The following SPDYE4 variants were observed in gnomAD, a reference collection of about 807,000 sequenced individuals.
The protein encoded by SPDYE4 is speedy/RINGO cell cycle regulator family member E4.
Under a neutral mutation model 37.5 loss-of-function variants are expected in SPDYE4, and 30 were observed. The ratio of observed to expected loss-of-function variants is 0.80; its 90% confidence interval spans 0.60 to 1.09. The LOEUF is 1.09. Ranked by LOEUF, SPDYE4 falls within the 50% of genes least tolerant of loss-of-function variation. SPDYE4 has a pLI of 0.00. For missense variants in SPDYE4, 300 were observed against 307.9 expected (o/e 0.97, Z 0.19); for synonymous variants, 131 against 120.3 (o/e 1.09, Z -0.58).
At position 8,756,506 on chromosome 17, in the gene SPDYE4, G is replaced by A. The variant is rs919219883; in HGVS notation, c.341-70C>T. On this transcript the variant is annotated intron_variant, in intron 2 of 6. Transcript: ENST00000689094. ...TGCCGTGGGAGCAGCAGAGCAGAGAGGAGAACTGTGTCCCTCTGGGGGAAG... is the reference window on the plus strand; with the variant it reads ...TGCCGTGGGAGCAGCAGAGCAGAGAAGAGAACTGTGTCCCTCTGGGGGAAG... 7 of 1,440,620 alleles carry A rather than the reference G, an allele frequency of 4.9e-6. No homozygotes were observed. The African/African-American group carries it at 9.8e-5, about 20-fold the overall frequency. 89.2% of individuals were successfully genotyped at this position (1,440,620 alleles called of 1,614,324 possible). A position where few individuals can be genotyped will look rare whatever the true frequency, so the allele number is the denominator to read the frequency against.
At chr17:8,756,190 G>T (rs1184294513) in intron 3 of SPDYE4, among the ~76,000 whole-genome samples, 188 bp downstream of exon 3, 2 of 152,190 alleles carry the variant, frequency 1.3e-5, no homozygotes, top group Non-Finnish European at 2.9e-5. Context: ...CTGCATTCCA[G>T]CCTGGGCAAC....
chr17:8,757,305 G>T lies in SPDYE4; in HGVS notation c.297C>A (p.Ser99=), dbSNP rs772597533. The T allele has an allele frequency of 6.2e-7, 1 of 1,605,014 alleles. No homozygotes were observed. Among genetic ancestry groups the T allele is most frequent in the Non-Finnish European group, 8.5e-7 (1 of 1,175,594 alleles). Reference sequence around the variant, plus strand: ...CCTCGTGGTGCTCAGGGAGCACGGAGGATGCTCGCTTTCGCTTCAGCTTCA... The same window carrying T: ...CCTCGTGGTGCTCAGGGAGCACGGATGATGCTCGCTTTCGCTTCAGCTTCA... The part of the protein sequence containing the change: ...LKMKLKRKRA[S]SVLPEHHEAF... The change falls in exon 2 of 7, where the codon TCC becomes TCA. Residue 99 remains serine (S), a synonymous_variant. Coordinates refer to ENST00000689094, the MANE Select transcript of SPDYE4 (RefSeq NM_001394956.1).
At chr17:8,750,826 T>C (rs987462486), downstream of SPDYE4, among the ~76,000 whole-genome samples, 2 of 152,224 alleles carry the variant, frequency 1.3e-5, no homozygotes, top group African/African-American at 4.8e-5. Context: ...AAATAAGCAA[T>C]CCAGACCAAT....
downstream of SPDYE4, among the ~76,000 whole-genome samples, chr17:8,749,265 G>T (rs1238796714): frequency 3.0e-5 from 3 of 98,650 alleles, no homozygotes; most frequent in African/African-American, 6.9e-5. Flanking sequence ...GCTAAGTTTC[G>T]TATTTTTTTT....
At chr17:8,753,218 T>C (rs1220390132) in intron 5 of SPDYE4, 21 bp from the exon 6 acceptor site, 1 of 1,613,814 alleles carries the variant, frequency 6.2e-7, no homozygotes, top group African/African-American at 1.3e-5. Flanking sequence ...ACACACCACT[T>C]GAGAAGCCAG....
intron 6 of SPDYE4, among the ~76,000 whole-genome samples, chr17:8,752,886 T>G (rs2086738736): frequency 1.3e-5 from 2 of 152,222 alleles, no homozygotes; most frequent in Admixed American, 6.5e-5. Context: ...AGCCCCGACC[T>G]CCGGGGCTCT....
Position 8,757,882 on chromosome 17 carries a change from A to G in SPDYE4, c.110-390T>C, listed in dbSNP as rs550407716. ...ACTGCAACCTCCGCCTCCTGGGTTC[A>G]AATGATTCTCCTGCCTCAGCCTCTT... On this transcript the variant is annotated intron_variant, in intron 1 of 6. Transcript: ENST00000689094. Among the ~76,000 whole-genome samples the G allele has an allele frequency of 5.3e-5, 8 of 151,528 alleles. 2 individuals carry two copies. Among genetic ancestry groups the G allele is most frequent in the African/African-American group, 1.9e-4 (8 of 41,226 alleles).
chr17:8,752,525 T>C (rs2151144418), intron 6 of SPDYE4, among the ~76,000 whole-genome samples: 1 of 152,056 alleles, frequency 6.6e-6, no homozygotes, highest in African/African-American at 2.4e-5. Flanking sequence ...AGAGCACCCT[T>C]GGAGGACGTG....
intron 4 of SPDYE4, among the ~76,000 whole-genome samples, chr17:8,754,536 C>T (rs775939244): frequency 7.9e-5 from 12 of 152,184 alleles, no homozygotes; most frequent in Non-Finnish European, 1.3e-4. Flanking sequence ...GATCTGGCTA[C>T]TGCACTCCAG....
In SPDYE4 at chr17:8,755,583, G is replaced by A. The variant is rs74844184; in HGVS notation, c.422C>T (p.Ala141Val). 110,304 of 1,610,082 alleles carry A rather than the reference G, an allele frequency of 0.069. 4,588 individuals are homozygous for A. Among genetic ancestry groups the A allele is most frequent in the Non-Finnish European group, 0.079 (93,230 of 1,177,256 alleles). ...SDKYLLAMVI[A>V]YFSRAGLFSW... ...GAAGAGGCCGGCACGGCTAAAATAC[G>A]CTATGACCATAGCCAGGAGATACTG... Residue 141 changes from alanine (A) to valine (V), a missense_variant, in exon 4 of 7, where the codon GCG (alanine) becomes GTG (valine). Coordinates refer to ENST00000689094, the MANE Select transcript of SPDYE4 (RefSeq NM_001394956.1).
intron 2 of SPDYE4, 52 bp downstream of exon 2, chr17:8,757,210 C>A (rs1170553642): frequency 2.0e-6 from 3 of 1,504,208 alleles, no homozygotes; most frequent in Non-Finnish European, 2.7e-6. Context: ...TTGAAAGATT[C>A]CACTTTTTTA....
intron 1 of SPDYE4, 37 bp from the exon 2 acceptor site, chr17:8,757,529 G>A (rs774603981): frequency 1.3e-6 from 2 of 1,597,736 alleles, no homozygotes; most frequent in East Asian, 4.5e-5. Context: ...TCATGTTTCT[G>A]CCATTGATCA....
Position 8,758,477 on chromosome 17 carries a change from G to A in SPDYE4, c.-95C>T, listed in dbSNP as rs534040633. 1.9e-5 allele frequency: 22 copies of A among 1,184,688 alleles called. No homozygotes were observed. Among genetic ancestry groups the A allele is most frequent in the East Asian group, 1.6e-4 (6 of 38,682 alleles). 73.4% of individuals were successfully genotyped at this position (1,184,688 alleles called of 1,614,324 possible). A position where few individuals can be genotyped will look rare whatever the true frequency, so the allele number is the denominator to read the frequency against. Reference sequence around the variant, plus strand: ...ACTCCGTTAGGACCCAGAAGAGTGCGTTTCTCTTCTAGAGGCTCGGGAGAA... The same window carrying A: ...ACTCCGTTAGGACCCAGAAGAGTGCATTTCTCTTCTAGAGGCTCGGGAGAA... On this transcript the variant is annotated 5_prime_UTR_variant, in exon 1 of 7. The change creates a new upstream start codon in the 5' untranslated region. Coordinates refer to ENST00000689094, the MANE Select transcript of SPDYE4 (RefSeq NM_001394956.1).
downstream of SPDYE4, among the ~76,000 whole-genome samples, chr17:8,748,129 C>A (rs184465611): frequency 5.7e-3 from 871 of 152,328 alleles, 10 homozygotes; most frequent in Middle Eastern, 0.071. Flanking sequence ...CTGGGAGATA[C>A]AATTCAAGTT....
At chr17:8,749,351 C>T (rs1455939152), downstream of SPDYE4, among the ~76,000 whole-genome samples, 1 of 152,104 alleles carries the variant, frequency 6.6e-6, no homozygotes, top group Non-Finnish European at 1.5e-5. Context: ...GCCACCTCTA[C>T]CTCCCAGGTT....
intron 6 of SPDYE4, among the ~76,000 whole-genome samples, 131 bp from the exon 7 acceptor site, chr17:8,752,368 A>T (rs2086734250): frequency 1.3e-5 from 2 of 152,142 alleles, no homozygotes; most frequent in Non-Finnish European, 2.9e-5. Context: ...CTAACCCTTT[A>T]TTGTAAACCC....
chr17:8,755,406 TAC>T (rs2086763377), intron 4 of SPDYE4, 112 bp downstream of exon 4: 4 of 1,271,894 alleles, frequency 3.1e-6, no homozygotes, highest in Middle Eastern at 2.8e-4. Flanking sequence ...CGTTTTTATA[TAC>T]AGAGTAAAGA....
chr17:8,749,922 T>G (rs1037475494), downstream of SPDYE4, among the ~76,000 whole-genome samples: 10 of 152,338 alleles, frequency 6.6e-5, no homozygotes, highest in Admixed American at 5.2e-4. Context: ...GCTGGAATAG[T>G]AATTGCATTC....
intron 4 of SPDYE4, among the ~76,000 whole-genome samples, chr17:8,754,573 C>T (rs1014380041): frequency 2.6e-5 from 4 of 151,824 alleles, no homozygotes; most frequent in South Asian, 4.1e-4. Context: ...AGTCTCTGTC[C>T]GGTAAAGATA....
Sources: allele counts gnomAD v4.1 joint callset (sites outside exome capture counted in the v4.1 genomes callset), GRCh38; gene constraint gnomAD v4.1.1; transcripts MANE v1.5; gene names NCBI Gene and HGNC (gene_info 2026-07-23, HGNC 2026-07-21).